The following SMTN variants were observed in gnomAD, a reference collection of about 807,000 sequenced individuals.
The protein encoded by SMTN is smoothelin.
Under a neutral mutation model 102.0 loss-of-function variants are expected in SMTN, and 58 were observed. The observed-to-expected ratio is 0.57, with a 90% CI of 0.46 to 0.71. SMTN has a LOEUF of 0.71. Ranked by LOEUF, SMTN falls within the 30% of genes least tolerant of loss-of-function variation. The probability of loss-of-function intolerance (pLI) is 0.00; values close to 1 mark genes in which losing one functional copy is unlikely to be tolerated. For missense variants in SMTN, 1,185 were observed against 1,241.7 expected (o/e 0.95, Z 0.69); for synonymous variants, 478 against 497.9 (o/e 0.96, Z 0.53).
At chr22:31,085,226 A>G (rs186617339) in intron 2 of SMTN, 4 of 1,534,030 alleles carry the variant, frequency 2.6e-6, no homozygotes, top group African/African-American at 1.4e-5. Context: ...AGATCCGGAC[A>G]CTGAAGCAGG....
intron 16 of SMTN, among the ~76,000 whole-genome samples, chr22:31,097,719 A>G (rs191337356): frequency 8.4e-5 from 12 of 143,364 alleles, no homozygotes; most frequent in Non-Finnish European, 1.5e-4. Flanking sequence ...TAAATAGATA[A>G]ATAAATAAAT....
intron 1 of SMTN, chr22:31,066,236 G>C (rs2041846177): frequency 6.6e-6 from 1 of 152,142 alleles, no homozygotes; most frequent in Admixed American, 6.5e-5. Context: ...GGGAGAAGTA[G>C]GGATTGCCTT....
intron 20 of SMTN, chr22:31,103,985 A>T (rs1316000991): frequency 3.0e-6 from 1 of 332,468 alleles, no homozygotes; most frequent in East Asian, 5.3e-5. Context: ...GGTGAGCAGA[A>T]GGTGGTCTCC....
At chr22:31,093,773 C>T in intron 11 of SMTN, 8 of 1,592,846 alleles carry the variant, frequency 5.0e-6, no homozygotes, top group Non-Finnish European at 5.1e-6. Flanking sequence ...GACCCCGAGG[C>T]CCTCTTTCAG....
intron 10 of SMTN, 31 bp from the exon 11 acceptor site, chr22:31,091,644 C>T: frequency 1.3e-6 from 2 of 1,559,940 alleles, no homozygotes; most frequent in Non-Finnish European, 1.7e-6. Context: ...TCCACCTGAT[C>T]CTCCTGACAG....
Position 31,083,181 on chromosome 22 carries a change from TTC to T in SMTN, c.-74_-73del. 1 of 1,568,656 alleles carries T rather than the reference TTC, an allele frequency of 6.4e-7. No individual in the cohort carries two copies. The highest frequency in any genetic ancestry group is 1.3e-5 in the African/African-American group (1 of 74,676). The stretch of plus-strand genomic sequence containing the variant: ...TGATTCATGTCTGTCCCCTGCAGAA[TTC>T]TCTGAGCTGGTGACAGGTGCCACAG... On this transcript the variant is annotated 5_prime_UTR_variant, in exon 2 of 21. Transcript: ENST00000333137.
intron 1 of SMTN, chr22:31,067,806 C>G (rs937553216): frequency 6.6e-6 from 1 of 152,218 alleles, no homozygotes; most frequent in Non-Finnish European, 1.5e-5. Context: ...GATCCGCCTG[C>G]CTCAGCCTCC....
intron 6 of SMTN, 56 bp from the exon 7 acceptor site, chr22:31,089,643 G>A (rs1300670846): frequency 1.3e-6 from 2 of 1,503,734 alleles, no homozygotes; most frequent in African/African-American, 2.7e-5. Flanking sequence ...CCTCAGTGGT[G>A]GGGGTGGCGT....
Position 31,104,594 on chromosome 22 carries a change from A to T in SMTN, c.*299A>T. 1 of 903,330 alleles carries T rather than the reference A, an allele frequency of 1.1e-6. No individual in the cohort carries two copies. The highest frequency in any genetic ancestry group is 1.7e-6 in the Non-Finnish European group (1 of 583,846). The allele number at this position is 903,330 out of a possible 1,614,324, so 56.0% of individuals were successfully genotyped here. On this transcript the variant is annotated 3_prime_UTR_variant, in exon 21 of 21. Transcript: ENST00000333137. ...CACCCTCCCCCCCACATACACACGCAGCGTTTTGATAAATTATTGGTTTTC... is the reference window on the plus strand; with the variant it reads ...CACCCTCCCCCCCACATACACACGCTGCGTTTTGATAAATTATTGGTTTTC...
In SMTN at chr22:31,104,610, A is replaced by C; in HGVS notation, c.*315A>C. ...TACACACGCAGCGTTTTGATAAATT[A>C]TTGGTTTTCAACGATCCTGACTCCT... is the stretch of plus-strand genomic sequence containing the variant. On this transcript the variant is annotated 3_prime_UTR_variant, in exon 21 of 21. Transcript: ENST00000333137. 2.3e-6 allele frequency: 2 copies of C among 866,304 alleles called. No individual in the cohort carries two copies. The highest frequency in any genetic ancestry group is 3.6e-6 in the Non-Finnish European group (2 of 559,282). The allele number at this position is 866,304 out of a possible 1,614,324, so 53.7% of individuals were successfully genotyped here. A position where few individuals can be genotyped will look rare whatever the true frequency, so the allele number is the denominator to read the frequency against.
At position 31,095,824 on chromosome 22, in the gene SMTN, C is replaced by T. The variant is rs2043543160; in HGVS notation, c.1861+215C>T. 1 of 591,130 alleles carries T rather than the reference C, an allele frequency of 1.7e-6. No homozygotes were observed. Among genetic ancestry groups the T allele is most frequent in the African/African-American group, 1.9e-5 (1 of 53,666 alleles). The allele number at this position is 591,130 out of a possible 1,614,324, so 36.6% of individuals were successfully genotyped here. A position where few individuals can be genotyped will look rare whatever the true frequency, so the allele number is the denominator to read the frequency against. On this transcript the variant is annotated intron_variant, in intron 13 of 20. Transcript: ENST00000333137. This position sits in a 1 kb window ranked among gnomAD's most constrained non-coding sequence, Gnocchi z 4.1. ...CCCGCTGGTGACCCCAGTTATTCTC[C>T]CCAACCAGCTTCTCTTCTCCTTCCT...
chr22:31,089,891 G>A lies in SMTN; in HGVS notation c.664G>A (p.Glu222Lys), dbSNP rs779214996. 33 of 1,613,376 alleles carry A rather than the reference G, an allele frequency of 2.0e-5. No homozygotes were observed. Among genetic ancestry groups the A allele is most frequent in the Admixed American group, 6.7e-5 (4 of 59,930 alleles). The stretch of plus-strand genomic sequence containing the variant: ...TCCTGAGCCTCCATTGGAGCCTGCC[G>A]AGGCCCAGTGCCTTACAGCTGAGGT... ...ASPEPPLEPA[E>K]AQCLTAEVPG... The change falls in exon 7 of 21, where the codon GAG becomes AAG. Residue 222 changes from glutamate (E) to lysine (K), a missense_variant. This residue lies in a region of SMTN where 1,096 missense variants were observed against 1,112.7 expected (regional missense o/e 0.98). Coordinates refer to ENST00000333137, the MANE Select transcript of SMTN (RefSeq NM_134269.3).
At chr22:31,083,074 A>T in intron 1 of SMTN, 105 bp from the exon 2 acceptor site, 1 of 1,478,098 alleles carries the variant, frequency 6.8e-7, no homozygotes, top group Non-Finnish European at 9.2e-7. Flanking sequence ...AGGATGGGAC[A>T]GTAATGGACG....
chr22:31,096,656 G>T (rs1452695390), intron 13 of SMTN, 77 bp from the exon 14 acceptor site: 4 of 1,435,662 alleles, frequency 2.8e-6, no homozygotes, highest in Admixed American at 4.9e-5. Context: ...CGTCTTGTGT[G>T]CCCCATGCAC....
At chr22:31,085,413 C>G (rs2042620936) in intron 2 of SMTN, 2 of 867,788 alleles carry the variant, frequency 2.3e-6, no homozygotes, top group African/African-American at 1.7e-5. Flanking sequence ...ACCGGGGGAG[C>G]TGGGACTGAA....
upstream of SMTN, among the ~76,000 whole-genome samples, chr22:31,079,917 T>C (rs764550205): frequency 6.6e-6 from 1 of 152,134 alleles, no homozygotes; most frequent in Non-Finnish European, 1.5e-5. Flanking sequence ...TGCATGCCAC[T>C]TGCCCGACTA....
intron 1 of SMTN, among the ~76,000 whole-genome samples, chr22:31,070,061 A>G (rs1156280356): frequency 1.3e-5 from 2 of 152,176 alleles, no homozygotes; most frequent in Non-Finnish European, 2.9e-5. Flanking sequence ...CCACCTGTGC[A>G]GAGACACACA....
At position 31,091,774 on chromosome 22, in the gene SMTN, G is replaced by T; in HGVS notation, c.1559G>T (p.Arg520Leu). 6.2e-7 allele frequency: 1 copy of T among 1,610,428 alleles called. No individual in the cohort carries two copies. Among genetic ancestry groups the T allele is most frequent in the Middle Eastern group, 1.7e-4 (1 of 6,052 alleles). The change falls in exon 11 of 21, where the codon CGG becomes CTG. Residue 520 changes from arginine to leucine, a missense_variant. Around this residue, in one of 2 missense-constraint regions of SMTN, gnomAD observed 1,096 missense variants for 1,112.7 expected, o/e 0.98. Transcript: ENST00000333137. Reference sequence around the variant, plus strand: ...GTCAACAGCCCTGGGACCCTGGCTCGGCTGGGCAGTGTCACTCATGTCACC... The same window carrying T: ...GTCAACAGCCCTGGGACCCTGGCTCTGCTGGGCAGTGTCACTCATGTCACC... ...TRVNSPGTLA[R>L]LGSVTHVTSF...
intron 13 of SMTN, chr22:31,096,023 G>T: frequency 3.7e-6 from 1 of 272,162 alleles, no homozygotes. Context: ...CCCTTTTCCT[G>T]GACACAACTA....
Sources: allele counts gnomAD v4.1 joint callset (sites outside exome capture counted in the v4.1 genomes callset), GRCh38; gene constraint gnomAD v4.1.1; regional missense constraint gnomAD v4.1.1; non-coding constraint Gnocchi (gnomAD v3.1); transcripts MANE v1.5; gene names NCBI Gene and HGNC (gene_info 2026-07-23, HGNC 2026-07-21).